The following PLEKHG1 variants were observed in gnomAD, a reference collection of about 807,000 sequenced individuals.
The protein encoded by PLEKHG1 is pleckstrin homology domain-containing family G member 1.
A neutral mutation model predicts 100.8 loss-of-function variants in PLEKHG1; 44 were observed. The observed-to-expected ratio is 0.44, with a 90% confidence interval of 0.34 to 0.56. The LOEUF (loss-of-function observed/expected upper bound fraction) is 0.56, where lower values mean the gene tolerates loss of function less well. Ranked by LOEUF, PLEKHG1 falls within the 20% of genes least tolerant of loss-of-function variation. The probability of loss-of-function intolerance (pLI) is 0.01; values close to 1 mark genes in which losing one functional copy is unlikely to be tolerated. For missense variants in PLEKHG1, 1,545 were observed against 1,720.9 expected (o/e 0.90, Z 1.81); for synonymous variants, 640 against 662.5 (o/e 0.97, Z 0.52).
At chr6:150,693,792 C>A (rs1203512998) in intron 3 of PLEKHG1, among the ~76,000 whole-genome samples, 2 of 152,180 alleles carry the variant, frequency 1.3e-5, no homozygotes, top group African/African-American at 4.8e-5. Context: ...ATACATAAAT[C>A]TTTGCACAAG....
intron 14 of PLEKHG1, chr6:150,828,327 C>T (rs199557025): frequency 4.5e-5 from 72 of 1,588,740 alleles, no homozygotes; most frequent in South Asian, 1.1e-5. Context: ...ACGTGTTGCT[C>T]TCCTCAGTGC....
intron 2 of PLEKHG1, among the ~76,000 whole-genome samples, chr6:150,766,590 C>T (rs775347212): frequency 2.6e-5 from 4 of 152,316 alleles, no homozygotes; most frequent in East Asian, 1.9e-4. Flanking sequence ...GGACTCCTCA[C>T]GATCTGTTTT....
intron 13 of PLEKHG1, among the ~76,000 whole-genome samples, chr6:150,822,150 C>CA (rs58672381): frequency 0.012 from 458 of 36,680 alleles, 39 homozygotes; most frequent in African/African-American, 0.027. Context: ...CCAAAGGACT[C>CA]AAAAAAAAAA....
intron 3 of PLEKHG1, among the ~76,000 whole-genome samples, chr6:150,695,168 A>G (rs13205882): frequency 6.6e-6 from 1 of 152,202 alleles, no homozygotes; most frequent in African/African-American, 2.4e-5. Context: ...TTTCTATTCC[A>G]AAGAACAATA....
At chr6:150,702,736 C>A (rs1404752454) in intron 3 of PLEKHG1, among the ~76,000 whole-genome samples, 1 of 151,986 alleles carries the variant, frequency 6.6e-6, no homozygotes, top group African/African-American at 2.4e-5. Context: ...AATAATAACC[C>A]CGAAGATAAC....
upstream of PLEKHG1, among the ~76,000 whole-genome samples, chr6:150,720,812 C>T (rs1241644582): frequency 6.6e-6 from 1 of 152,138 alleles, no homozygotes; most frequent in Non-Finnish European, 1.5e-5. Flanking sequence ...AAGGTGAAAC[C>T]CAGCAGCTTT....
chr6:150,755,823 A>C (rs1043813013), intron 2 of PLEKHG1, among the ~76,000 whole-genome samples: 21 of 152,048 alleles, frequency 1.4e-4, no homozygotes, highest in Non-Finnish European at 2.6e-4. Context: ...CCTCAGATAA[A>C]TCCGTCCTGG....
chr6:150,806,161 G>C (rs1028688709), intron 7 of PLEKHG1, among the ~76,000 whole-genome samples: 8 of 149,098 alleles, frequency 5.4e-5, no homozygotes, highest in East Asian at 2.0e-4. Context: ...CAGCCAGAGT[G>C]TGGTGTGATG....
intron 1 of PLEKHG1, among the ~76,000 whole-genome samples, chr6:150,608,460 TAAAG>T (rs1285140094): frequency 5.3e-5 from 8 of 152,144 alleles, no homozygotes; most frequent in African/African-American, 1.7e-4. Flanking sequence ...CTTACAGAAA[TAAAG>T]AAGAGAATAC....
At chr6:150,719,627 A>G (rs1781585424), upstream of PLEKHG1, among the ~76,000 whole-genome samples, 1 of 152,212 alleles carries the variant, frequency 6.6e-6, no homozygotes, top group South Asian at 2.1e-4. Context: ...GTAGCAGATC[A>G]AACGGGAGCT....
At chr6:150,769,608 GAAAAAA>G (rs1784616523) in intron 3 of PLEKHG1, among the ~76,000 whole-genome samples, 3 of 140,714 alleles carry the variant, frequency 2.1e-5, no homozygotes, top group South Asian at 2.3e-4. Flanking sequence ...AAAAAAGAAA[GAAAAAA>G]GAAAAAGAAA....
At chr6:150,765,642 A>G (rs1482029175) in intron 2 of PLEKHG1, among the ~76,000 whole-genome samples, 2 of 152,174 alleles carry the variant, frequency 1.3e-5, no homozygotes, top group Non-Finnish European at 2.9e-5. Context: ...TTTCTATAGC[A>G]TGTCCCTGCT....
intron 1 of PLEKHG1, among the ~76,000 whole-genome samples, chr6:150,602,287 A>T (rs1417957737): frequency 6.6e-6 from 1 of 152,140 alleles, no homozygotes; most frequent in Non-Finnish European, 1.5e-5. Context: ...AGCAGTTGTC[A>T]TCTTTTAATC....
chr6:150,802,442 G>A (rs1361008609), intron 6 of PLEKHG1, among the ~76,000 whole-genome samples: 2 of 151,590 alleles, frequency 1.3e-5, no homozygotes, highest in African/African-American at 2.4e-5. Flanking sequence ...ATGGCCTTCA[G>A]TCAAAAGGAA....
Position 150,840,464 on chromosome 6 carries a change from C to A in PLEKHG1, c.3726C>A (p.Leu1242=), listed in dbSNP as rs917349723. 6 of 1,614,056 alleles carry A rather than the reference C, an allele frequency of 3.7e-6. No homozygotes were observed. In the East Asian group the frequency reaches 1.3e-4, roughly 36 times the overall value. The change falls in exon 16 of 16, where the codon CTC becomes CTA. Residue 1242 remains leucine (L), a synonymous_variant. Transcript: ENST00000358517. ...CTGAAAAACTCTCAGATCTCACACT[C>A]CAAGACTCACAGAAAGTTGTGGTGG...
chr6:150,806,981 T>C (rs1787155337), intron 7 of PLEKHG1, among the ~76,000 whole-genome samples: 1 of 152,140 alleles, frequency 6.6e-6, no homozygotes, highest in African/African-American at 2.4e-5. Flanking sequence ...TTGTCCAGTG[T>C]ATCCACACTG....
chr6:150,603,795 C>A (rs184748776), intron 1 of PLEKHG1, among the ~76,000 whole-genome samples: 112 of 152,334 alleles, frequency 7.4e-4, no homozygotes, highest in Non-Finnish European at 1.4e-3. Flanking sequence ...AAAGCTAAAT[C>A]CTGCTGGATT....
chr6:150,628,598 C>A (rs1325459597), intron 1 of PLEKHG1, among the ~76,000 whole-genome samples: 2 of 126,444 alleles, frequency 1.6e-5, no homozygotes, highest in Non-Finnish European at 1.8e-5. Context: ...CCCTCCTGCA[C>A]TGAACCCTCT....
At position 150,600,637 on chromosome 6, in the gene PLEKHG1, G is replaced by A. The variant is rs1776308061; in HGVS notation, c.-204+620G>A. ...GGAGTCAAGAGCCTGTGGCTCTTCC[G>A]TCACGGGGTAAACGGTAACACCTGG... On this transcript the variant is annotated intron_variant, in intron 1 of 3. Coordinates refer to the PLEKHG1 transcript ENST00000367326. The surrounding 1 kb of genome is among the most constrained non-coding windows in gnomAD (Gnocchi z 6.2). Among the ~76,000 whole-genome samples, 1 of 152,222 alleles carries A rather than the reference G, an allele frequency of 6.6e-6. No homozygotes were observed. Among genetic ancestry groups the A allele is most frequent in the Non-Finnish European group, 1.5e-5 (1 of 68,038 alleles).
Sources: gnomAD v4.1 joint callset for allele counts (sites outside exome capture counted in the v4.1 genomes callset) on GRCh38, gnomAD v4.1.1 for gene constraint, Gnocchi (gnomAD v3.1) non-coding constraint, MANE v1.5 for transcripts, NCBI Gene and HGNC (gene_info 2026-07-23, HGNC 2026-07-21) for gene names.